MEIKIN: variants seen among roughly 807,000 people sequenced by gnomAD.
MEIKIN encodes meiosis-specific kinetochore protein.
At chr5:131,910,793 T>C (rs1277156143) in intron 8 of MEIKIN, among the ~76,000 whole-genome samples, 2 of 152,052 alleles carry the variant, frequency 1.3e-5, no homozygotes, top group Non-Finnish European at 2.9e-5. Context: ...AAGTGGCTTA[T>C]TTAATTTTAA....
Position 131,846,362 on chromosome 5 carries a change from G to A in MEIKIN, c.975+4902C>T, listed in dbSNP as rs1390990614. Among the ~76,000 whole-genome samples, 3 of 152,034 alleles carry A rather than the reference G, an allele frequency of 2.0e-5. No individual in the cohort carries two copies. The East Asian group carries it at 5.8e-4, about 29-fold the overall frequency. On this transcript the variant is annotated intron_variant, in intron 11 of 12. Coordinates refer to ENST00000442687, the MANE Select transcript of MEIKIN (RefSeq NM_001303622.2). ...AAGATCTAAATAAAGGCAAATAGAA[G>A]GGGCAATTATAAAAGCTACTATTAT... is the stretch of plus-strand genomic sequence containing the variant.
At chr5:131,883,080 T>C (rs1443125364) in intron 8 of MEIKIN, among the ~76,000 whole-genome samples, 2 of 152,246 alleles carry the variant, frequency 1.3e-5, no homozygotes, top group Non-Finnish European at 2.9e-5. Context: ...TAACATTTGT[T>C]CTATTAGGGC....
chr5:131,819,009 T>C, intron 11 of MEIKIN, 146 bp from the exon 12 acceptor site: 1 of 376,194 alleles, frequency 2.7e-6, no homozygotes, highest in Non-Finnish European at 4.7e-6. Context: ...ACTCCACTCC[T>C]AACAGTAATT....
At chr5:131,883,026 G>T (rs181959646) in intron 8 of MEIKIN, among the ~76,000 whole-genome samples, 1 of 151,930 alleles carries the variant, frequency 6.6e-6, no homozygotes, top group African/African-American at 2.4e-5. Flanking sequence ...TCTATTTGAC[G>T]TTATATATTT....
chr5:131,862,213 C>G (rs538833410), intron 9 of MEIKIN, among the ~76,000 whole-genome samples: 15 of 152,036 alleles, frequency 9.9e-5, no homozygotes, highest in Admixed American at 9.8e-4. Flanking sequence ...ACCCATTTCT[C>G]CAAGTTTTCT....
intron 11 of MEIKIN, among the ~76,000 whole-genome samples, chr5:131,828,201 G>GA (rs201641815): frequency 0.024 from 3,655 of 152,214 alleles, 70 homozygotes; most frequent in Middle Eastern, 0.14. Context: ...GCCCAGGCTG[G>GA]AATGCAGTGG....
intron 9 of MEIKIN, among the ~76,000 whole-genome samples, chr5:131,857,978 G>A (rs6874099): frequency 0.11 from 16,564 of 152,228 alleles, 2,170 homozygotes; most frequent in African/African-American, 0.32. Flanking sequence ...TGCTGCTGCT[G>A]CCACACTCAA....
intron 9 of MEIKIN, among the ~76,000 whole-genome samples, chr5:131,864,471 T>C (rs557563948): frequency 4.3e-4 from 65 of 152,356 alleles, no homozygotes; most frequent in African/African-American, 1.5e-3. Flanking sequence ...TTCTCCTTCA[T>C]TGGTGAAGAA....
In MEIKIN at chr5:131,879,038, A is replaced by G. The variant is rs1399690603; in HGVS notation, c.714T>C (p.Ala238=). The change falls in exon 9 of 13, where the codon GCT becomes GCC. Residue 238 remains alanine (A), a synonymous_variant. Coordinates refer to ENST00000442687, the MANE Select transcript of MEIKIN (RefSeq NM_001303622.2). ...TTTTCTCAGCAAGTAAAATCTCACA[A>G]GCTGCATTATCTATAAATAAAAACA... The part of the protein sequence containing the change: ...CASNSESDNA[A]CEILLAEKTC... The G allele has an allele frequency of 2.5e-6, 1 of 398,508 alleles. No homozygotes were observed. Among genetic ancestry groups the G allele is most frequent in the Non-Finnish European group, 4.4e-6 (1 of 225,882 alleles). 24.7% of individuals were successfully genotyped at this position (398,508 alleles called of 1,614,324 possible).
At chr5:131,937,328 A>G (rs993528529) in intron 4 of MEIKIN, among the ~76,000 whole-genome samples, 2 of 152,166 alleles carry the variant, frequency 1.3e-5, no homozygotes, top group East Asian at 1.9e-4. Flanking sequence ...TTGATGTGTG[A>G]CAGCTTTTAA....
chr5:131,875,903 G>C (rs183656175), intron 9 of MEIKIN, among the ~76,000 whole-genome samples: 10 of 152,096 alleles, frequency 6.6e-5, no homozygotes, highest in South Asian at 6.2e-4. Flanking sequence ...GAAAGGATTC[G>C]CTATTTAATA....
intron 8 of MEIKIN, among the ~76,000 whole-genome samples, chr5:131,896,221 T>A (rs1021264499): frequency 1.3e-5 from 2 of 152,236 alleles, no homozygotes; most frequent in Non-Finnish European, 2.9e-5. Flanking sequence ...AATCATGAGT[T>A]CTAATTTGAT....
At chr5:131,932,443 A>T (rs1448097671) in intron 5 of MEIKIN, among the ~76,000 whole-genome samples, 1 of 152,194 alleles carries the variant, frequency 6.6e-6, no homozygotes, top group Non-Finnish European at 1.5e-5. Flanking sequence ...TCCACGAGAG[A>T]GGCAGAAGCT....
At chr5:131,927,785 T>C (rs549560147) in intron 5 of MEIKIN, among the ~76,000 whole-genome samples, 3 of 152,292 alleles carry the variant, frequency 2.0e-5, no homozygotes, top group Admixed American at 6.5e-5. Context: ...CCCTCCTCTC[T>C]TTTGGTTACC....
chr5:131,809,851 A>C (rs1429497647), intron 12 of MEIKIN, among the ~76,000 whole-genome samples: 1 of 151,944 alleles, frequency 6.6e-6, no homozygotes, highest in East Asian at 1.9e-4. Context: ...ACCAAAGAAC[A>C]GTTTTCAAAA....
chr5:131,839,381 T>G (rs1317140426), intron 11 of MEIKIN, among the ~76,000 whole-genome samples: 1 of 152,134 alleles, frequency 6.6e-6, no homozygotes, highest in Non-Finnish European at 1.5e-5. Context: ...TTTGATCCAG[T>G]GCTGATTTCA....
chr5:131,856,753 T>C (rs1580874523), intron 9 of MEIKIN, among the ~76,000 whole-genome samples: 1 of 151,954 alleles, frequency 6.6e-6, no homozygotes, highest in African/African-American at 2.4e-5. Context: ...TGTAAGTATA[T>C]AGCTTCCCTA....
intron 5 of MEIKIN, among the ~76,000 whole-genome samples, chr5:131,925,878 G>A (rs1751579411): frequency 2.0e-5 from 3 of 152,076 alleles, no homozygotes; most frequent in Admixed American, 6.5e-5. Context: ...ATTTTGGCCA[G>A]GCTGGTCTCA....
At chr5:131,917,312 TCC>T (rs1249911912) in intron 6 of MEIKIN, among the ~76,000 whole-genome samples, 7 of 152,088 alleles carry the variant, frequency 4.6e-5, no homozygotes, top group African/African-American at 1.7e-4. Context: ...ACGCCTGTAA[TCC>T]CAACACTTTT....
Sources: allele counts gnomAD v4.1 joint callset (sites outside exome capture counted in the v4.1 genomes callset), GRCh38; gene constraint gnomAD v4.1.1; transcripts MANE v1.5; gene names NCBI Gene and HGNC (gene_info 2026-07-23, HGNC 2026-07-21).